The following RARB variants were observed in gnomAD, a reference collection of about 807,000 sequenced individuals.
The protein encoded by RARB is retinoic acid receptor beta, also known as HBV-activated protein.
RARB carries 17 observed loss-of-function variants against 51.9 expected under a neutral mutation model. The ratio of observed to expected loss-of-function variants is 0.33; its 90% CI spans 0.22 to 0.49. The LOEUF (loss-of-function observed/expected upper bound fraction) is 0.49, where lower values mean the gene tolerates loss of function less well. RARB is among the 20% of genes least tolerant of loss of function. RARB has a pLI of 0.99. For missense variants in RARB, 369 were observed against 550.8 expected (o/e 0.67, Z 3.30); for synonymous variants, 215 against 195.4 (o/e 1.10, Z -0.84).
intron 2 of RARB, among the ~76,000 whole-genome samples, chr3:24,961,040 G>A (rs1006592642): frequency 3.0e-4 from 45 of 152,062 alleles, no homozygotes; most frequent in Middle Eastern, 6.3e-3. Context: ...TTTCTTTAAT[G>A]CAGTCTGTTT....
intron 5 of RARB, among the ~76,000 whole-genome samples, chr3:25,209,099 C>T (rs981886813): frequency 1.1e-4 from 16 of 152,188 alleles, no homozygotes; most frequent in African/African-American, 3.1e-4. Context: ...TAACAAGTGG[C>T]CACTAATATA....
intron 5 of RARB, among the ~76,000 whole-genome samples, chr3:25,421,008 A>C (rs920243656): frequency 6.6e-6 from 1 of 151,826 alleles, no homozygotes; most frequent in Non-Finnish European, 1.5e-5. Flanking sequence ...AAAAAAAAAA[A>C]ACAGAGTCAT....
intron 5 of RARB, among the ~76,000 whole-genome samples, chr3:25,334,553 T>C (rs1047640333): frequency 2.0e-5 from 3 of 151,998 alleles, no homozygotes; most frequent in Non-Finnish European, 4.4e-5. Context: ...CGGGGAAGGA[T>C]AGCATTAGGA....
chr3:25,081,145 G>C (rs997259109), intron 3 of RARB, among the ~76,000 whole-genome samples: 4 of 152,118 alleles, frequency 2.6e-5, no homozygotes, highest in Middle Eastern at 3.4e-3. Flanking sequence ...TGGGTACATT[G>C]AGTTCTATTA....
In RARB at chr3:25,065,122, A is replaced by AT. The variant is rs72410181; in HGVS notation, c.-328+4959dup. Among the ~76,000 whole-genome samples the AT allele has an allele frequency of 9.6e-3, 1,397 of 144,950 alleles. 17 individuals are homozygous for AT. The highest frequency in any genetic ancestry group is 0.027 in the African/African-American group (1,065 of 39,974). On this transcript the variant is annotated intron_variant, in intron 3 of 11. Coordinates refer to the RARB transcript ENST00000383772. ...ATTTTAAATACGACTCTAGAACTTC[A>AT]TTTTTTTTTTTTTCAGTTTCTGGAG...
intron 2 of RARB, among the ~76,000 whole-genome samples, chr3:25,003,086 G>T (rs1317776854): frequency 6.6e-6 from 1 of 151,862 alleles, no homozygotes; most frequent in Non-Finnish European, 1.5e-5. Context: ...TATATATAAT[G>T]AATGGTGGCC....
chr3:25,526,603 A>T (rs1698661191), intron 3 of RARB, among the ~76,000 whole-genome samples: 1 of 152,190 alleles, frequency 6.6e-6, no homozygotes, highest in Non-Finnish European at 1.5e-5. Context: ...TAAATTAGAG[A>T]TAGAACCAAC....
chr3:25,097,608 G>C (rs759274031), intron 3 of RARB, among the ~76,000 whole-genome samples: 2 of 152,124 alleles, frequency 1.3e-5, no homozygotes, highest in African/African-American at 2.4e-5. Context: ...CCATACTCCA[G>C]CCTAGGCATA....
intron 5 of RARB, among the ~76,000 whole-genome samples, chr3:25,245,527 T>G (rs1433533659): frequency 1.3e-5 from 2 of 152,182 alleles, no homozygotes; most frequent in Non-Finnish European, 2.9e-5. Flanking sequence ...AGCATTTGCT[T>G]GTCTGTAAAG....
intron 5 of RARB, among the ~76,000 whole-genome samples, chr3:25,344,095 C>A (rs1390291651): frequency 1.3e-5 from 2 of 152,194 alleles, no homozygotes; most frequent in Non-Finnish European, 1.5e-5. Flanking sequence ...CAGAAACTTT[C>A]TTTAAATGAC....
At chr3:25,207,026 A>G (rs1271742558) in intron 5 of RARB, among the ~76,000 whole-genome samples, 1 of 152,168 alleles carries the variant, frequency 6.6e-6, no homozygotes, top group Non-Finnish European at 1.5e-5. Context: ...CTCTCCTAAT[A>G]AGGTAATGAT....
At chr3:25,416,433 G>A (rs1268411913) in intron 5 of RARB, among the ~76,000 whole-genome samples, 8 of 152,250 alleles carry the variant, frequency 5.3e-5, no homozygotes, top group Admixed American at 1.3e-4. Flanking sequence ...TGGGGAGTTC[G>A]AATTGAGACT....
At chr3:24,957,273 G>T (rs551879345) in intron 2 of RARB, among the ~76,000 whole-genome samples, 1 of 152,264 alleles carries the variant, frequency 6.6e-6, no homozygotes, top group East Asian at 1.9e-4. Context: ...CTGTTCTCAG[G>T]ATACTGTGAG....
chr3:24,969,727 A>G (rs1696351530), intron 2 of RARB, among the ~76,000 whole-genome samples: 1 of 152,124 alleles, frequency 6.6e-6, no homozygotes, highest in African/African-American at 2.4e-5. Flanking sequence ...GTAATTCCCA[A>G]TGACTGCAAT....
intron 5 of RARB, among the ~76,000 whole-genome samples, chr3:25,273,890 G>A (rs764878877): frequency 1.3e-5 from 2 of 152,122 alleles, no homozygotes; most frequent in Non-Finnish European, 2.9e-5. Flanking sequence ...TATGGGTGCA[G>A]GCCCCAACTT....
intron 3 of RARB, among the ~76,000 whole-genome samples, chr3:25,128,480 T>G (rs532196741): frequency 1.4e-4 from 21 of 149,168 alleles, no homozygotes; most frequent in African/African-American, 5.1e-4. Context: ...ACTAGAAATA[T>G]ATCTAGTATA....
intron 2 of RARB, among the ~76,000 whole-genome samples, chr3:24,982,176 G>C (rs1696692288): frequency 6.6e-6 from 1 of 152,158 alleles, no homozygotes; most frequent in African/African-American, 2.4e-5. Context: ...TCTCAGCTTG[G>C]TCAGGGCCCA....
intron 5 of RARB, among the ~76,000 whole-genome samples, chr3:25,349,193 A>T (rs193034472): frequency 2.6e-5 from 4 of 152,332 alleles, no homozygotes; most frequent in South Asian, 4.1e-4. Context: ...TGCAGCTGAC[A>T]GTGACTTGCA....
At chr3:24,941,141 C>T (rs1695657843) in intron 2 of RARB, among the ~76,000 whole-genome samples, 1 of 151,862 alleles carries the variant, frequency 6.6e-6, no homozygotes. Context: ...CACTTTTGAA[C>T]TAATAGAGAC....
Sources: gnomAD v4.1 joint callset for allele counts (sites outside exome capture counted in the v4.1 genomes callset) on GRCh38, gnomAD v4.1.1 for gene constraint, MANE v1.5 for transcripts, NCBI Gene and HGNC (gene_info 2026-07-23, HGNC 2026-07-21) for gene names.